GFPT2: variants seen among roughly 807,000 people sequenced by gnomAD.
The protein encoded by GFPT2 is glutamine--fructose-6-phosphate aminotransferase [isomerizing] 2.
Under a neutral mutation model 85.6 loss-of-function variants are expected in GFPT2, and 62 were observed. That is an observed-to-expected ratio of 0.72 (90% CI 0.59 to 0.90). The LOEUF (loss-of-function observed/expected upper bound fraction) is 0.90, where lower values mean the gene tolerates loss of function less well. Among genes scored for constraint, GFPT2 ranks in the 40% least tolerant of loss-of-function variants. GFPT2 has a pLI of 0.00. For missense variants in GFPT2, 788 were observed against 893.4 expected, an observed-to-expected ratio of 0.88 and a Z score of 1.50; for synonymous variants, 368 against 344.5, an observed-to-expected ratio of 1.07 and a Z score of -0.75.
chr5:180,342,168 C>G (rs1764529085), intron 1 of GFPT2, among the ~76,000 whole-genome samples: 1 of 152,158 alleles, frequency 6.6e-6, no homozygotes, highest in Non-Finnish European at 1.5e-5. Context: ...GCCTCCCCAG[C>G]CATGTGGAAC....
At chr5:180,327,112 A>G (rs937730720) in intron 7 of GFPT2, among the ~76,000 whole-genome samples, 8 of 152,204 alleles carry the variant, frequency 5.3e-5, no homozygotes, top group African/African-American at 1.4e-4. Flanking sequence ...AGTCTGGAAG[A>G]GACAGCCTCA....
intron 16 of GFPT2, among the ~76,000 whole-genome samples, chr5:180,305,569 C>A (rs189145489): frequency 1.9e-4 from 29 of 152,342 alleles, no homozygotes; most frequent in African/African-American, 6.7e-4. Context: ...GTAAGGAGTG[C>A]GGCTCCAGTC....
At position 180,316,275 on chromosome 5, in the gene GFPT2, A is replaced by C. The variant is rs950821457; in HGVS notation, c.1273+66T>G. On this transcript the variant is annotated intron_variant, in intron 13 of 18. Transcript: ENST00000253778. ...CCATGCAGAGGACTTAACTGAATGAAGGAGAAGAGGAGAGAGCCCAGAGCT... is the reference window on the plus strand; with the variant it reads ...CCATGCAGAGGACTTAACTGAATGACGGAGAAGAGGAGAGAGCCCAGAGCT... 20 of 1,548,490 alleles carry C rather than the reference A, an allele frequency of 1.3e-5. No individual in the cohort carries two copies. In the African/African-American group the frequency reaches 1.5e-4, roughly 12 times the overall value.
In GFPT2 at chr5:180,323,382, G is replaced by C. The variant is rs904969829; in HGVS notation, c.794+806C>G. On this transcript the variant is annotated intron_variant, in intron 9 of 18. Coordinates refer to ENST00000253778, the MANE Select transcript of GFPT2 (RefSeq NM_005110.4). This position sits in a 1 kb window ranked among gnomAD's most constrained non-coding sequence, Gnocchi z 4.0. ...TGGTGTCCTCCCTGCCTCACAGCAC[G>C]GCCCTATTAGAGGCTGGTCGGGAAA... Among the ~76,000 whole-genome samples the C allele has an allele frequency of 6.6e-6, 1 of 152,008 alleles. No homozygotes were observed. Among genetic ancestry groups the C allele is most frequent in the African/African-American group, 2.4e-5 (1 of 41,384 alleles).
chr5:180,321,480 C>T (rs1370350568), intron 9 of GFPT2, among the ~76,000 whole-genome samples: 1 of 152,242 alleles, frequency 6.6e-6, no homozygotes, highest in Non-Finnish European at 1.5e-5. Flanking sequence ...ATACATAACC[C>T]CCTGGAGTTC....
At chr5:180,344,930 T>A (rs1223747486) in intron 1 of GFPT2, among the ~76,000 whole-genome samples, 1 of 152,218 alleles carries the variant, frequency 6.6e-6, no homozygotes, top group Non-Finnish European at 1.5e-5. Flanking sequence ...GCCACCCGCC[T>A]GGGTTGGCTT....
chr5:180,311,507 G>A (rs759767025), intron 15 of GFPT2, among the ~76,000 whole-genome samples: 7 of 152,232 alleles, frequency 4.6e-5, no homozygotes, highest in African/African-American at 9.6e-5. Flanking sequence ...CCCAGCAAAC[G>A]GGGAAAGTGT....
chr5:180,351,157 G>T (rs748051013), intron 1 of GFPT2, among the ~76,000 whole-genome samples: 10 of 152,094 alleles, frequency 6.6e-5, no homozygotes, highest in Non-Finnish European at 1.3e-4. Flanking sequence ...ACCATAAAAG[G>T]AAAATCAGTA....
intron 1 of GFPT2, among the ~76,000 whole-genome samples, chr5:180,351,782 G>C (rs1478165676): frequency 6.6e-6 from 1 of 152,178 alleles, no homozygotes; most frequent in Non-Finnish European, 1.5e-5. Context: ...TAGGAAGGAG[G>C]ATGACAGGCA....
At chr5:180,338,241 G>C (rs1399200765) in intron 2 of GFPT2, among the ~76,000 whole-genome samples, 1 of 152,182 alleles carries the variant, frequency 6.6e-6, no homozygotes, top group African/African-American at 2.4e-5. Flanking sequence ...CTGTGGCTTT[G>C]TACCCTTTCT....
At chr5:180,337,264 T>C (rs1477650063) in intron 2 of GFPT2, among the ~76,000 whole-genome samples, 1 of 152,042 alleles carries the variant, frequency 6.6e-6, no homozygotes, top group African/African-American at 2.4e-5. Context: ...ACCATCCTGG[T>C]CAACACGGTG....
Position 180,340,135 on chromosome 5 carries a change from C to T in GFPT2, c.8-1535G>A, listed in dbSNP as rs190701692. On this transcript the variant is annotated intron_variant, in intron 1 of 18. Transcript: ENST00000253778. The stretch of plus-strand genomic sequence containing the variant: ...AGGGCCCGTTCCTCACAGACAGTGA[C>T]TGCTCATTCCAACCTCATACGGTGG... 8.3e-3 allele frequency among the ~76,000 whole-genome samples: 1,267 copies of T among 152,078 alleles called. 4 individuals carry two copies. The highest frequency in any genetic ancestry group is 0.028 in the Middle Eastern group (8 of 290).
intron 1 of GFPT2, among the ~76,000 whole-genome samples, chr5:180,346,847 C>T (rs1035713466): frequency 7.9e-5 from 12 of 152,218 alleles, no homozygotes; most frequent in Admixed American, 5.9e-4. Flanking sequence ...GGGCTGCCCA[C>T]GGCGTAAGAA....
chr5:180,313,447 C>A (rs1449035552), intron 14 of GFPT2, among the ~76,000 whole-genome samples: 1 of 128,982 alleles, frequency 7.8e-6, no homozygotes, highest in African/African-American at 2.9e-5. Flanking sequence ...AAAAATGAGC[C>A]GGGTGTGGGG....
At chr5:180,346,082 T>C (rs1442599272) in intron 1 of GFPT2, among the ~76,000 whole-genome samples, 1 of 151,814 alleles carries the variant, frequency 6.6e-6, no homozygotes, top group African/African-American at 2.4e-5. Context: ...CCCTGCTGGG[T>C]AAACCACCAT....
chr5:180,320,439 G>T (rs927540479), intron 9 of GFPT2, among the ~76,000 whole-genome samples: 4 of 152,168 alleles, frequency 2.6e-5, no homozygotes, highest in African/African-American at 9.7e-5. Context: ...GTATATAGTT[G>T]TGGTATAAAC....
Position 180,316,462 on chromosome 5 carries a change from C to G in GFPT2, c.1153-1G>C, listed in dbSNP as rs758967934. 6.2e-7 allele frequency: 1 copy of G among 1,614,152 alleles called. No individual in the cohort carries two copies. The highest frequency in any genetic ancestry group is 2.2e-5 in the East Asian group (1 of 44,880). On this transcript the variant is annotated splice_acceptor_variant, in intron 12 of 18. Transcript: ENST00000253778. LOFTEE classifies it high-confidence loss of function. Reference sequence around the variant, plus strand: ...TCAGTTCCTCCAAAACTTGCCGCGTCTGAAGCCAACAAGCAAGCATGGAGA... The same window carrying G: ...TCAGTTCCTCCAAAACTTGCCGCGTGTGAAGCCAACAAGCAAGCATGGAGA...
intron 1 of GFPT2, among the ~76,000 whole-genome samples, chr5:180,341,412 T>A (rs1248215134): frequency 6.6e-6 from 1 of 152,226 alleles, no homozygotes; most frequent in African/African-American, 2.4e-5. Flanking sequence ...TACATCTGAA[T>A]AAATGATAAA....
At position 180,301,438 on chromosome 5, in the gene GFPT2, G is replaced by C; in HGVS notation, c.*126C>G. The C allele has an allele frequency of 1.2e-6, 1 of 831,426 alleles. No individual in the cohort carries two copies. Among genetic ancestry groups the C allele is most frequent in the Non-Finnish European group, 2.0e-6 (1 of 489,818 alleles). 51.5% of individuals were successfully genotyped at this position (831,426 alleles called of 1,614,324 possible). On this transcript the variant is annotated 3_prime_UTR_variant, in exon 19 of 19. Coordinates refer to ENST00000253778, the MANE Select transcript of GFPT2 (RefSeq NM_005110.4). Reference sequence around the variant, plus strand: ...CTTGGGTAGAAGGCACGTGGAAGCTGTCAAGCTCTACAGGAGCACGCAGAA... The same window carrying C: ...CTTGGGTAGAAGGCACGTGGAAGCTCTCAAGCTCTACAGGAGCACGCAGAA...
Sources: allele counts gnomAD v4.1 joint callset (sites outside exome capture counted in the v4.1 genomes callset), GRCh38; gene constraint gnomAD v4.1.1; non-coding constraint Gnocchi (gnomAD v3.1); transcripts MANE v1.5; gene names NCBI Gene and HGNC (gene_info 2026-07-23, HGNC 2026-07-21).